The following SGCD variants were observed in gnomAD, a reference collection of about 807,000 sequenced individuals.
SGCD encodes the protein sarcoglycan delta, also known as delta-sarcoglycan.
A neutral mutation model predicts 36.6 loss-of-function variants in SGCD; 18 were observed. The ratio of observed to expected loss-of-function variants is 0.49; its 90% CI spans 0.34 to 0.73. SGCD has a LOEUF of 0.73. Ranked by LOEUF, SGCD falls within the 30% of genes least tolerant of loss-of-function variation. The probability of loss-of-function intolerance (pLI) is 0.01; values close to 1 mark genes in which losing one functional copy is unlikely to be tolerated. For synonymous variants in SGCD, 133 were observed against 130.6 expected (o/e 1.02, Z -0.12); for missense variants, 387 against 346.7 (o/e 1.12, Z -0.92).
chr5:156,172,219 G>T (rs1403762909), intron 3 of SGCD, among the ~76,000 whole-genome samples: 1 of 152,206 alleles, frequency 6.6e-6, no homozygotes, highest in South Asian at 2.1e-4. Context: ...GGAGGCAGAG[G>T]TTGCAGTGAG....
chr5:156,629,016 G>C (rs545767945), intron 6 of SGCD, among the ~76,000 whole-genome samples: 1 of 152,164 alleles, frequency 6.6e-6, no homozygotes, highest in Admixed American at 6.5e-5. Context: ...TTAAGTTCTC[G>C]ATAAGTGTAA....
chr5:156,160,111 T>C (rs1450536918), intron 3 of SGCD, among the ~76,000 whole-genome samples: 1 of 151,612 alleles, frequency 6.6e-6, no homozygotes, highest in Non-Finnish European at 1.5e-5. Flanking sequence ...TTTCAAATCT[T>C]TAAGACATAT....
chr5:156,698,852 C>CAA (rs1290997955), intron 7 of SGCD, among the ~76,000 whole-genome samples: 1 of 146,972 alleles, frequency 6.8e-6, no homozygotes, highest in Non-Finnish European at 1.5e-5. Flanking sequence ...CACACACACA[C>CAA]ACACACACAC....
At chr5:156,456,079 G>A (rs1383653321) in intron 3 of SGCD, among the ~76,000 whole-genome samples, 2 of 152,170 alleles carry the variant, frequency 1.3e-5, no homozygotes, top group Non-Finnish European at 2.9e-5. Context: ...TACCCAGTTT[G>A]TATTACTCTG....
chr5:156,550,684 G>A (rs1244063836), intron 4 of SGCD, among the ~76,000 whole-genome samples: 1 of 152,170 alleles, frequency 6.6e-6, no homozygotes, highest in Non-Finnish European at 1.5e-5. Flanking sequence ...ATCATTATTA[G>A]ATTCCCGCTC....
At chr5:156,416,746 A>G (rs1773061747) in intron 3 of SGCD, among the ~76,000 whole-genome samples, 1 of 152,196 alleles carries the variant, frequency 6.6e-6, no homozygotes, top group South Asian at 2.1e-4. Context: ...GAATATTTAC[A>G]GCCTCAAGAG....
chr5:156,477,614 G>A lies in SGCD; in HGVS notation c.193-30987G>A, dbSNP rs531298508. On this transcript the variant is annotated intron_variant, in intron 3 of 8. Transcript: ENST00000337851. Reference sequence around the variant, plus strand: ...GGGACTTTGCAGGCATCTCTCATGAGCTGTTGCCTTGATGGCAACAATAGA... The same window carrying A: ...GGGACTTTGCAGGCATCTCTCATGAACTGTTGCCTTGATGGCAACAATAGA... Among the ~76,000 whole-genome samples, 72 of 150,326 alleles carry A rather than the reference G, an allele frequency of 4.8e-4. 1 individual carries two copies. The highest frequency in any genetic ancestry group is 3.9e-3 in the East Asian group (20 of 5,088).
chr5:156,586,106 G>A (rs1282454076), intron 4 of SGCD, among the ~76,000 whole-genome samples: 5 of 149,946 alleles, frequency 3.3e-5, no homozygotes, highest in Non-Finnish European at 7.4e-5. Flanking sequence ...TCCAAGGATT[G>A]TATCCCGGAA....
chr5:156,477,049 G>GAAAAAAAA (rs5872462), intron 3 of SGCD, among the ~76,000 whole-genome samples: 8 of 122,992 alleles, frequency 6.5e-5, no homozygotes, highest in Non-Finnish European at 1.0e-4. Context: ...AAGAGAAAAA[G>GAAAAAAAA]AAAAAAAAAA....
the SGCD span, among the ~76,000 whole-genome samples, chr5:155,738,445 A>G: frequency 6.6e-6 from 1 of 152,284 alleles, no homozygotes; most frequent in East Asian, 1.9e-4. Context: ...CACATAATGT[A>G]CCTTGTTTGT....
At chr5:156,122,540 C>T (rs966592993) in intron 2 of SGCD, among the ~76,000 whole-genome samples, 3 of 151,852 alleles carry the variant, frequency 2.0e-5, no homozygotes, top group Admixed American at 1.3e-4. Flanking sequence ...AGTTCAAAGG[C>T]TCCTAATAGA....
At chr5:156,334,352 C>G (rs1322343683) in intron 2 of SGCD, among the ~76,000 whole-genome samples, 2 of 152,228 alleles carry the variant, frequency 1.3e-5, no homozygotes, top group Admixed American at 6.5e-5. Flanking sequence ...GTGAAAATGA[C>G]ACCATTAAAT....
At position 156,736,744 on chromosome 5, in the gene SGCD, C is replaced by T. The variant is rs1043212850; in HGVS notation, c.576-20837C>T. Among the ~76,000 whole-genome samples the T allele has an allele frequency of 5.3e-5, 8 of 152,270 alleles. No homozygotes were observed. The East Asian group carries it at 7.7e-4, about 15-fold the overall frequency. ...TACTGCATAGGATGTATTGAGAACT[C>T]GCGGGACCATATGAAAGTCTGAAAG... On this transcript the variant is annotated intron_variant, in intron 7 of 8. Transcript: ENST00000337851.
chr5:156,526,718 C>T (rs942019641), intron 4 of SGCD, among the ~76,000 whole-genome samples: 9 of 152,036 alleles, frequency 5.9e-5, no homozygotes, highest in Middle Eastern at 3.2e-3. Flanking sequence ...TTATTGTGGA[C>T]GATAATGTGA....
chr5:155,817,930 G>C, the SGCD span, among the ~76,000 whole-genome samples: 1 of 152,144 alleles, frequency 6.6e-6, no homozygotes, highest in East Asian at 1.9e-4. Flanking sequence ...CAAATTGTAA[G>C]TTAAAATAAA....
At chr5:155,849,968 G>T in the SGCD span, among the ~76,000 whole-genome samples, 1 of 152,080 alleles carries the variant, frequency 6.6e-6, no homozygotes, top group Admixed American at 6.6e-5. Flanking sequence ...CTTTAAACTG[G>T]GACATTAGAA....
At chr5:156,273,226 C>T (rs1766225697) in intron 3 of SGCD, among the ~76,000 whole-genome samples, 1 of 152,182 alleles carries the variant, frequency 6.6e-6, no homozygotes, top group Non-Finnish European at 1.5e-5. Flanking sequence ...CCCTCTCTTC[C>T]CTTACCATTC....
At chr5:155,885,639 T>C (rs190730669) in intron 1 of SGCD, among the ~76,000 whole-genome samples, 89 of 152,360 alleles carry the variant, frequency 5.8e-4, no homozygotes, top group African/African-American at 2.1e-3. Context: ...AACTTGAATA[T>C]GTGTTATTCT....
chr5:156,126,437 C>T (rs887395880), intron 3 of SGCD, among the ~76,000 whole-genome samples: 1 of 152,078 alleles, frequency 6.6e-6, no homozygotes, highest in Non-Finnish European at 1.5e-5. Flanking sequence ...GACCAGTCGA[C>T]CATTAAGGGG....
Sources: allele counts gnomAD v4.1 joint callset (sites outside exome capture counted in the v4.1 genomes callset), GRCh38; gene constraint gnomAD v4.1.1; transcripts MANE v1.5; gene names NCBI Gene and HGNC (gene_info 2026-07-23, HGNC 2026-07-21).